The following TBC1D19 variants were observed in gnomAD, a reference collection of about 807,000 sequenced individuals.
TBC1D19 encodes TBC1 domain family member 19, also known as TBC1 domain family, member 19.
A neutral mutation model predicts 89.0 loss-of-function variants in TBC1D19; 60 were observed. The observed-to-expected ratio is 0.67, with a 90% CI of 0.55 to 0.84. The LOEUF (loss-of-function observed/expected upper bound fraction) is 0.84, where lower values mean the gene tolerates loss of function less well. TBC1D19 is among the 40% of genes least tolerant of loss of function. TBC1D19 has a pLI of 0.00. For synonymous variants in TBC1D19, 189 were observed against 199.7 expected, an observed-to-expected ratio of 0.95 and a Z score of 0.45; for missense variants, 500 against 610.8, an observed-to-expected ratio of 0.82 and a Z score of 1.91.
the TBC1D19 span, among the ~76,000 whole-genome samples, chr4:26,766,705 A>T: frequency 6.6e-6 from 1 of 152,200 alleles, no homozygotes; most frequent in African/African-American, 2.4e-5. Context: ...TTTACCAGGC[A>T]TGCACTTGAA....
chr4:26,681,709 T>C (rs956154083), intron 11 of TBC1D19, among the ~76,000 whole-genome samples: 1 of 152,136 alleles, frequency 6.6e-6, no homozygotes, highest in African/African-American at 2.4e-5. Flanking sequence ...ATTAAACAAA[T>C]TGTGACAAAT....
chr4:26,837,463 G>A, the TBC1D19 span, among the ~76,000 whole-genome samples: 1 of 152,196 alleles, frequency 6.6e-6, no homozygotes, highest in Non-Finnish European at 1.5e-5. Context: ...GGAAGGTAGG[G>A]CCCCTAGGAG....
intron 17 of TBC1D19, among the ~76,000 whole-genome samples, chr4:26,741,184 G>A (rs1190484174): frequency 6.6e-6 from 1 of 151,612 alleles, no homozygotes; most frequent in Non-Finnish European, 1.5e-5. Flanking sequence ...GTGAAACCCC[G>A]TCTCTACTAA....
At position 26,675,524 on chromosome 4, in the gene TBC1D19, C is replaced by G. The variant is rs555762241; in HGVS notation, c.816+1636C>G. ...AAATTAATATTTTCAGGAAAGCAAC[C>G]CTGATTTTTTTATTAAAGCATCTTT... On this transcript the variant is annotated intron_variant, in intron 11 of 20. Coordinates refer to ENST00000264866, the MANE Select transcript of TBC1D19 (RefSeq NM_018317.4). 2.6e-4 allele frequency among the ~76,000 whole-genome samples: 40 copies of G among 151,988 alleles called. 1 individual carries two copies. Among genetic ancestry groups the G allele is most frequent in the Non-Finnish European group, 5.3e-4 (36 of 67,890 alleles).
At position 26,644,531 on chromosome 4, in the gene TBC1D19, C is replaced by G. The variant is rs193069462; in HGVS notation, c.480+4344C>G. On this transcript the variant is annotated intron_variant, in intron 7 of 20. Coordinates refer to ENST00000264866, the MANE Select transcript of TBC1D19 (RefSeq NM_018317.4). ...CTGGCACAAGAGAGGGATACCTTCTCTTACCACTCCTATTCAACATAGTGT... is the reference window on the plus strand; with the variant it reads ...CTGGCACAAGAGAGGGATACCTTCTGTTACCACTCCTATTCAACATAGTGT... 1.6e-4 allele frequency among the ~76,000 whole-genome samples: 25 copies of G among 152,344 alleles called. No homozygotes were observed. In the East Asian group the frequency reaches 4.6e-3, roughly 28 times the overall value.
At chr4:26,615,262 A>T (rs372864323) in intron 3 of TBC1D19, among the ~76,000 whole-genome samples, 1 of 151,940 alleles carries the variant, frequency 6.6e-6, no homozygotes, top group East Asian at 1.9e-4. Flanking sequence ...TTTGCCATTT[A>T]AAAAAAATGT....
At chr4:26,829,258 A>G in the TBC1D19 span, among the ~76,000 whole-genome samples, 3 of 152,226 alleles carry the variant, frequency 2.0e-5, no homozygotes, top group Non-Finnish European at 4.4e-5. Context: ...TACACAGACC[A>G]TGTCCCTCCT....
chr4:26,628,847 A>G (rs901440137), intron 4 of TBC1D19, among the ~76,000 whole-genome samples: 1 of 152,042 alleles, frequency 6.6e-6, no homozygotes, highest in African/African-American at 2.4e-5. Flanking sequence ...CCACTGCTCA[A>G]TGAAATAAAA....
chr4:26,858,282 GAA>G, the TBC1D19 span: 3,782 of 147,564 alleles, frequency 0.026, 125 homozygotes, highest in African/African-American at 0.074. Flanking sequence ...AAGACGTTCT[GAA>G]AAAAAAAAAA....
Position 26,715,222 on chromosome 4 carries a change from C to G in TBC1D19, c.955-2711C>G, listed in dbSNP as rs1222983072. Reference sequence around the variant, plus strand: ...TGAACCCATGATCTCACTCCCCAAACTGTTCTGCCTGCCACTTTCCCTGTC... The same window carrying G: ...TGAACCCATGATCTCACTCCCCAAAGTGTTCTGCCTGCCACTTTCCCTGTC... On this transcript the variant is annotated intron_variant, in intron 13 of 20. Transcript: ENST00000264866. Among the ~76,000 whole-genome samples, 4 of 152,094 alleles carry G rather than the reference C, an allele frequency of 2.6e-5. No individual in the cohort carries two copies. In the South Asian group the frequency reaches 6.2e-4, roughly 24 times the overall value.
At chr4:26,643,412 G>A (rs558078932) in intron 7 of TBC1D19, among the ~76,000 whole-genome samples, 8 of 152,164 alleles carry the variant, frequency 5.3e-5, no homozygotes, top group Admixed American at 3.9e-4. Flanking sequence ...GAATCTCTGG[G>A]ACACATTTAA....
the TBC1D19 span, among the ~76,000 whole-genome samples, chr4:26,804,255 C>T: frequency 6.6e-6 from 1 of 152,146 alleles, no homozygotes; most frequent in East Asian, 1.9e-4. Flanking sequence ...TAGCTATCCT[C>T]CTGCCTCAGC....
chr4:26,697,525 A>G (rs1189471431), intron 13 of TBC1D19, among the ~76,000 whole-genome samples: 1 of 152,234 alleles, frequency 6.6e-6, no homozygotes, highest in Non-Finnish European at 1.5e-5. Flanking sequence ...GGCCAGCATC[A>G]TCCTGATACC....
At chr4:26,696,370 G>A (rs953049398) in intron 13 of TBC1D19, among the ~76,000 whole-genome samples, 2 of 152,174 alleles carry the variant, frequency 1.3e-5, no homozygotes, top group Non-Finnish European at 2.9e-5. Flanking sequence ...AGTCCTTAGA[G>A]ATCTACAAAG....
the TBC1D19 span, among the ~76,000 whole-genome samples, chr4:26,762,851 G>A: frequency 6.6e-6 from 1 of 152,228 alleles, no homozygotes; most frequent in Non-Finnish European, 1.5e-5. Context: ...CAGGAATACA[G>A]GCAGCTTCTA....
chr4:26,739,217 C>T (rs1718211572), intron 16 of TBC1D19, among the ~76,000 whole-genome samples: 1 of 152,120 alleles, frequency 6.6e-6, no homozygotes, highest in Non-Finnish European at 1.5e-5. Context: ...GTTGACCCAG[C>T]TGTGCTTAAT....
chr4:26,843,815 C>A, the TBC1D19 span, among the ~76,000 whole-genome samples: 1 of 152,120 alleles, frequency 6.6e-6, no homozygotes, highest in Non-Finnish European at 1.5e-5. Flanking sequence ...TCTGGGGAGG[C>A]CTTGGAGAGC....
intron 9 of TBC1D19, among the ~76,000 whole-genome samples, chr4:26,669,146 G>A (rs1577907519): frequency 6.6e-6 from 1 of 151,578 alleles, no homozygotes; most frequent in African/African-American, 2.4e-5. Flanking sequence ...ACGTAATAAT[G>A]AATCTTATTA....
chr4:26,630,671 A>G (rs922970214), intron 4 of TBC1D19, among the ~76,000 whole-genome samples: 2 of 152,028 alleles, frequency 1.3e-5, no homozygotes, highest in Non-Finnish European at 2.9e-5. Context: ...GACTTCTGGA[A>G]ACAAGGAGCT....
Sources: gnomAD v4.1 joint callset for allele counts (sites outside exome capture counted in the v4.1 genomes callset) on GRCh38, gnomAD v4.1.1 for gene constraint, MANE v1.5 for transcripts, NCBI Gene and HGNC (gene_info 2026-07-23, HGNC 2026-07-21) for gene names.